Variants in MMP26 observed in about 807,000 individuals in gnomAD.
MMP26 encodes matrix metalloproteinase-26.
Under a neutral mutation model 31.0 loss-of-function variants are expected in MMP26, and 33 were observed. The ratio of observed to expected loss-of-function variants is 1.06; its 90% CI spans 0.81 to 1.42. The LOEUF is 1.42. Among genes scored for constraint, MMP26 ranks in the 40% most tolerant of loss-of-function variants. MMP26 has a pLI of 0.00. For synonymous variants in MMP26, 122 were observed against 114.9 expected (o/e 1.06, Z -0.40); for missense variants, 347 against 316.1 (o/e 1.10, Z -0.74).
intron 1 of MMP26, among the ~76,000 whole-genome samples, chr11:4,714,439 C>T (rs540310420): frequency 2.0e-5 from 3 of 152,284 alleles, no homozygotes; most frequent in South Asian, 2.1e-4. Flanking sequence ...CAGCCACTAC[C>T]ACCGTCACAC....
At chr11:4,802,005 G>A (rs1025997713) in intron 2 of MMP26, among the ~76,000 whole-genome samples, 12 of 152,184 alleles carry the variant, frequency 7.9e-5, no homozygotes, top group Admixed American at 4.6e-4. Context: ...CAGATTTGGA[G>A]GGGAGCCAGG....
In MMP26 at chr11:4,958,099, C is replaced by G. The variant is rs371808724; in HGVS notation, c.-144-29969C>G. On this transcript the variant is annotated intron_variant, in intron 2 of 7. Transcript: ENST00000380390. ...CAATTAATTTGTAATCTGGTTGGGCCCATGATGGCGCCAGCTCCTTCACTA... is the reference window on the plus strand; with the variant it reads ...CAATTAATTTGTAATCTGGTTGGGCGCATGATGGCGCCAGCTCCTTCACTA... Among the ~76,000 whole-genome samples the G allele has an allele frequency of 6.9e-4, 105 of 152,200 alleles. 1 individual carries two copies. The highest frequency in any genetic ancestry group is 3.1e-3 in the Admixed American group (47 of 15,272).
At chr11:4,864,126 G>A (rs1027357170) in intron 2 of MMP26, among the ~76,000 whole-genome samples, 2 of 152,104 alleles carry the variant, frequency 1.3e-5, no homozygotes, top group Non-Finnish European at 2.9e-5. Flanking sequence ...GTTTGGAACG[G>A]ATAGAATGAT....
intron 5 of MMP26, 134 bp downstream of exon 5, chr11:4,990,880 A>G (rs1040220603): frequency 7.4e-5 from 63 of 852,784 alleles, no homozygotes; most frequent in Admixed American, 3.4e-4. Flanking sequence ...CCTACTGCAA[A>G]GCAAATCCTG....
chr11:4,724,642 T>C (rs540598073), intron 1 of MMP26, among the ~76,000 whole-genome samples: 24 of 152,348 alleles, frequency 1.6e-4, no homozygotes, highest in Admixed American at 5.9e-4. Flanking sequence ...CTATGGTTCC[T>C]ACACAAAAAT....
chr11:4,882,200 A>G (rs1479580000), intron 2 of MMP26: 3 of 1,613,790 alleles, frequency 1.9e-6, no homozygotes, highest in African/African-American at 2.7e-5. Flanking sequence ...AGCTTGCTTC[A>G]TTCAAATGTT....
chr11:4,744,453 A>G (rs927913358), intron 1 of MMP26, among the ~76,000 whole-genome samples: 4 of 152,210 alleles, frequency 2.6e-5, no homozygotes, highest in African/African-American at 7.2e-5. Context: ...ATGAGTCAAC[A>G]TAAATCGTCT....
At chr11:4,853,188 C>T (rs1030884986) in intron 2 of MMP26, among the ~76,000 whole-genome samples, 2 of 152,124 alleles carry the variant, frequency 1.3e-5, no homozygotes, top group African/African-American at 4.8e-5. Flanking sequence ...TGCCAAAGGG[C>T]ACCTCTTAGG....
At chr11:4,787,223 G>T (rs1848959829) in intron 2 of MMP26, 1 of 152,276 alleles carries the variant, frequency 6.6e-6, no homozygotes, top group Non-Finnish European at 1.5e-5. Context: ...ACATTGATCA[G>T]CCTCTGTCCA....
chr11:4,849,069 GC>G (rs1170125135), intron 2 of MMP26: 1 of 1,614,098 alleles, frequency 6.2e-7, no homozygotes, highest in Admixed American at 1.7e-5. Flanking sequence ...ATTTCCCAGT[GC>G]AGAGAGAAGG....
In MMP26 at chr11:4,714,645, C is replaced by G. The variant is rs561242418; in HGVS notation, c.-217+9600C>G. Among the ~76,000 whole-genome samples the G allele has an allele frequency of 7.2e-5, 11 of 152,238 alleles. No individual in the cohort carries two copies. In the South Asian group the frequency reaches 2.1e-3, roughly 29 times the overall value. Reference sequence around the variant, plus strand: ...ATGTAAAGTGCTTATTTGGAGAACTCCGGCTAGCTCTAGGTGGCAGAGACC... The same window carrying G: ...ATGTAAAGTGCTTATTTGGAGAACTGCGGCTAGCTCTAGGTGGCAGAGACC... On this transcript the variant is annotated intron_variant, in intron 1 of 7. Transcript: ENST00000380390.
chr11:4,814,663 T>C (rs1385170339), intron 2 of MMP26, among the ~76,000 whole-genome samples: 1 of 152,210 alleles, frequency 6.6e-6, no homozygotes, highest in Non-Finnish European at 1.5e-5. Context: ...GTAGTTTTTT[T>C]CTGAGCATTT....
At chr11:4,756,255 A>G (rs1372333892) in intron 1 of MMP26, among the ~76,000 whole-genome samples, 1 of 152,144 alleles carries the variant, frequency 6.6e-6, no homozygotes, top group Admixed American at 6.5e-5. Context: ...ATGCATAGAA[A>G]AAATACGGTG....
chr11:4,851,265 C>T (rs1374588286), intron 2 of MMP26, among the ~76,000 whole-genome samples: 1 of 152,166 alleles, frequency 6.6e-6, no homozygotes, highest in African/African-American at 2.4e-5. Flanking sequence ...AGCTTTGTTC[C>T]TGTACTCGTG....
chr11:4,936,911 A>C (rs1846123552), intron 2 of MMP26, among the ~76,000 whole-genome samples: 1 of 152,174 alleles, frequency 6.6e-6, no homozygotes, highest in African/African-American at 2.4e-5. Flanking sequence ...TAAAATTTTT[A>C]AGTCTGTGCA....
intron 1 of MMP26, chr11:4,737,062 A>G (rs2133289074): frequency 6.6e-6 from 1 of 152,552 alleles, no homozygotes; most frequent in African/African-American, 2.4e-5. Context: ...AGTCAGGAAA[A>G]AGATCAGAGA....
chr11:4,989,918 A>C (rs1467815724), intron 4 of MMP26, 50 bp downstream of exon 4: 10 of 1,469,964 alleles, frequency 6.8e-6, no homozygotes, highest in Non-Finnish European at 9.3e-6. Flanking sequence ...ATGACCTCAA[A>C]GGGCTTTCTA....
intron 2 of MMP26, among the ~76,000 whole-genome samples, chr11:4,906,095 G>T (rs755129995): frequency 3.9e-5 from 6 of 152,094 alleles, no homozygotes; most frequent in African/African-American, 1.4e-4. Context: ...AGCTTCAAAT[G>T]GTTTCTTGAA....
intron 2 of MMP26, chr11:4,907,913 C>G: frequency 1.2e-6 from 2 of 1,614,054 alleles, no homozygotes; most frequent in Non-Finnish European, 1.7e-6. Context: ...CTGTCTTCAT[C>G]AGGATACCAT....
Sources: gnomAD v4.1 joint callset for allele counts (sites outside exome capture counted in the v4.1 genomes callset) on GRCh38, gnomAD v4.1.1 for gene constraint, MANE v1.5 for transcripts, NCBI Gene and HGNC (gene_info 2026-07-23, HGNC 2026-07-21) for gene names.